The following FILIP1 variants were observed in gnomAD, a reference collection of about 807,000 sequenced individuals.
The protein encoded by FILIP1 is filamin-A-interacting protein 1.
In FILIP1, 61 loss-of-function variants were observed where a neutral mutation model predicts 102.1. The ratio of observed to expected loss-of-function variants is 0.60; its 90% confidence interval spans 0.49 to 0.74. The LOEUF (loss-of-function observed/expected upper bound fraction) is 0.74. Among genes scored for constraint, FILIP1 ranks in the 30% least tolerant of loss-of-function variants. FILIP1 has a pLI of 0.00. For missense variants in FILIP1, 1,314 were observed against 1,441.2 expected (o/e 0.91, Z 1.43); for synonymous variants, 491 against 526.9 (o/e 0.93, Z 0.93).
At chr6:75,310,043 C>T (rs1169880922) in intron 5 of FILIP1, among the ~76,000 whole-genome samples, 2 of 152,148 alleles carry the variant, frequency 1.3e-5, no homozygotes, top group Middle Eastern at 3.2e-3. Context: ...ATGTATGTGC[C>T]TCCCTTCAAT....
chr6:75,435,881 T>A (rs1033385953), intron 1 of FILIP1, among the ~76,000 whole-genome samples: 1 of 152,174 alleles, frequency 6.6e-6, no homozygotes, highest in Non-Finnish European at 1.5e-5. Flanking sequence ...GCTTATTTAA[T>A]CTGCTTGAGG....
chr6:75,474,512 G>C (rs1779418816), intron 1 of FILIP1, among the ~76,000 whole-genome samples: 1 of 152,166 alleles, frequency 6.6e-6, no homozygotes, highest in South Asian at 2.1e-4. Flanking sequence ...TTCTTCCCTT[G>C]AAGAACAGTC....
exon 7 of FILIP1, chr6:75,294,409 C>T (rs1324103010): frequency 1.3e-5 from 2 of 151,828 alleles, no homozygotes; most frequent in African/African-American, 4.8e-5. Flanking sequence ...CTTTAAAGAC[C>T]TTACTAAAAA....
At chr6:75,441,748 G>A (rs1219464985) in intron 1 of FILIP1, among the ~76,000 whole-genome samples, 2 of 147,946 alleles carry the variant, frequency 1.4e-5, no homozygotes, top group Middle Eastern at 3.4e-3. Context: ...GCGGCTGGCC[G>A]GGCAGAGGGG....
intron 3 of FILIP1, among the ~76,000 whole-genome samples, chr6:75,354,396 ACCT>A (rs1319251243): frequency 6.6e-6 from 1 of 151,520 alleles, no homozygotes; most frequent in Non-Finnish European, 1.5e-5. Flanking sequence ...CATGGTGAAA[ACCT>A]GTCTCTACTA....
At chr6:75,477,820 GAGATA>G (rs1398296810) in intron 1 of FILIP1, among the ~76,000 whole-genome samples, 1 of 152,102 alleles carries the variant, frequency 6.6e-6, no homozygotes, top group Non-Finnish European at 1.5e-5. Context: ...GAGGCTACAA[GAGATA>G]ATAGGAAACA....
chr6:75,350,200 G>A (rs1048680226), intron 4 of FILIP1, among the ~76,000 whole-genome samples: 2 of 151,674 alleles, frequency 1.3e-5, no homozygotes, highest in South Asian at 2.1e-4. Context: ...ATAAAACGTT[G>A]ACAGAAAAAC....
rs2149530430 is a variant in FILIP1, at chr6:75,295,900, G to A, written c.*10C>T. 5 of 1,453,002 alleles carry A rather than the reference G, an allele frequency of 3.4e-6. No homozygotes were observed. The East Asian group carries it at 1.4e-4, about 41-fold the overall frequency. The allele number at this position is 1,453,002 out of a possible 1,614,324, so 90.0% of individuals were successfully genotyped here. A position where few individuals can be genotyped will look rare whatever the true frequency, so the allele number is the denominator to read the frequency against. ...CGTACACACACCCAGTATGTGCTTGGTTTACCATTTCATCTGGAGTTCATT... is the reference window on the plus strand; with the variant it reads ...CGTACACACACCCAGTATGTGCTTGATTTACCATTTCATCTGGAGTTCATT... On this transcript the variant is annotated 3_prime_UTR_variant, in exon 7 of 7. Transcript: ENST00000393004.
At chr6:75,332,330 A>T (rs1438746956) in intron 4 of FILIP1, among the ~76,000 whole-genome samples, 1 of 152,248 alleles carries the variant, frequency 6.6e-6, no homozygotes, top group Non-Finnish European at 1.5e-5. Flanking sequence ...CTTTTAAAAT[A>T]AGAAAAAGCA....
At chr6:75,395,311 G>A (rs1045952656) in intron 2 of FILIP1, among the ~76,000 whole-genome samples, 3 of 151,684 alleles carry the variant, frequency 2.0e-5, no homozygotes, top group Non-Finnish European at 2.9e-5. Context: ...ACGGAGTCTC[G>A]CTCTGTCATC....
At chr6:75,437,240 G>GA (rs1489197760) in intron 1 of FILIP1, among the ~76,000 whole-genome samples, 3 of 152,148 alleles carry the variant, frequency 2.0e-5, no homozygotes, top group Non-Finnish European at 4.4e-5. Flanking sequence ...GGAAAAGGAG[G>GA]AAAAAATCAG....
At chr6:75,375,773 T>C (rs1162771168) in intron 2 of FILIP1, among the ~76,000 whole-genome samples, 2 of 152,232 alleles carry the variant, frequency 1.3e-5, no homozygotes, top group Non-Finnish European at 2.9e-5. Context: ...TTGAATTTCT[T>C]TGGGTTTACT....
intron 1 of FILIP1, among the ~76,000 whole-genome samples, chr6:75,431,489 T>A (rs1777821440): frequency 6.6e-6 from 1 of 152,130 alleles, no homozygotes; most frequent in Admixed American, 6.5e-5. Context: ...TCACCCCTAT[T>A]CTTAGTATAC....
intron 2 of FILIP1, among the ~76,000 whole-genome samples, chr6:75,395,665 G>C (rs112605414): frequency 4.6e-5 from 7 of 152,260 alleles, no homozygotes; most frequent in African/African-American, 1.4e-4. Flanking sequence ...TACTGAATTA[G>C]AGCATCGTCC....
chr6:75,348,062 T>TACACACACAC (rs148284986), intron 4 of FILIP1, among the ~76,000 whole-genome samples: 36,260 of 146,988 alleles, frequency 0.25, 4,545 homozygotes, highest in Middle Eastern at 0.33. Flanking sequence ...ACATCAGTTA[T>TACACACACAC]ACACACACAC....
At chr6:75,408,273 G>A (rs957678845) in intron 2 of FILIP1, among the ~76,000 whole-genome samples, 1 of 152,202 alleles carries the variant, frequency 6.6e-6, no homozygotes, top group Admixed American at 6.5e-5. Flanking sequence ...GCCTGCATCT[G>A]CAGAGGTGTG....
intron 4 of FILIP1, among the ~76,000 whole-genome samples, chr6:75,327,530 G>T (rs773964378): frequency 4.9e-4 from 73 of 148,588 alleles, no homozygotes; most frequent in Non-Finnish European, 8.6e-4. Context: ...ATTTTTTTGT[G>T]TGTGAATATA....
At chr6:75,406,976 T>C (rs1158328298) in intron 2 of FILIP1, among the ~76,000 whole-genome samples, 1 of 151,968 alleles carries the variant, frequency 6.6e-6, no homozygotes, top group African/African-American at 2.4e-5. Flanking sequence ...GTTTCTTAAA[T>C]ATTGTAAGAT....
intron 2 of FILIP1, among the ~76,000 whole-genome samples, chr6:75,365,686 C>T (rs12173809): frequency 6.6e-6 from 1 of 152,162 alleles, no homozygotes; most frequent in East Asian, 1.9e-4. Flanking sequence ...TGCACCTGGC[C>T]TAAGGACTGT....
Sources: gnomAD v4.1 joint callset for allele counts (sites outside exome capture counted in the v4.1 genomes callset) on GRCh38, gnomAD v4.1.1 for gene constraint, MANE v1.5 for transcripts, NCBI Gene and HGNC (gene_info 2026-07-23, HGNC 2026-07-21) for gene names.